The following UNC5D variants were observed in gnomAD, a reference collection of about 807,000 sequenced individuals.
UNC5D encodes netrin receptor UNC5D.
UNC5D carries 39 observed loss-of-function variants against 105.4 expected under a neutral mutation model. That is an observed-to-expected ratio of 0.37 (90% CI 0.29 to 0.48). The LOEUF (loss-of-function observed/expected upper bound fraction) is 0.48, where lower values mean the gene tolerates loss of function less well. UNC5D is among the 20% of genes least tolerant of loss of function. The pLI is 0.98. For missense variants in UNC5D, 991 were observed against 1,202.4 expected, an observed-to-expected ratio of 0.82 and a Z score of 2.60; for synonymous variants, 452 against 450.4, an observed-to-expected ratio of 1.00 and a Z score of -0.04.
chr8:35,486,759 CA>C (rs1439209436), intron 1 of UNC5D, among the ~76,000 whole-genome samples: 1 of 152,156 alleles, frequency 6.6e-6, no homozygotes, highest in Non-Finnish European at 1.5e-5. Flanking sequence ...AAAAGTGTCA[CA>C]CATTTCTATT....
intron 1 of UNC5D, among the ~76,000 whole-genome samples, chr8:35,305,784 C>CTTTCTTTCTTTCTCTCT (rs1184271506): frequency 6.7e-6 from 1 of 148,866 alleles, no homozygotes; most frequent in Non-Finnish European, 1.5e-5. Flanking sequence ...CTCTCTGCCT[C>CTTTCTTTCTTTCTCTCT]TTTCTTTCTT....
At chr8:35,422,400 TTGAC>T (rs1211607482) in intron 1 of UNC5D, among the ~76,000 whole-genome samples, 1 of 152,204 alleles carries the variant, frequency 6.6e-6, no homozygotes, top group Non-Finnish European at 1.5e-5. Context: ...GAGAGAGAGT[TTGAC>T]TGTTCTCTAA....
At chr8:35,770,453 TA>T (rs1198657681) in intron 15 of UNC5D, among the ~76,000 whole-genome samples, 1 of 152,112 alleles carries the variant, frequency 6.6e-6, no homozygotes, top group Non-Finnish European at 1.5e-5. Flanking sequence ...CCTTCACACT[TA>T]AAAGTTATTT....
intron 1 of UNC5D, among the ~76,000 whole-genome samples, chr8:35,390,393 C>T (rs985202617): frequency 6.6e-6 from 1 of 151,952 alleles, no homozygotes; most frequent in South Asian, 2.1e-4. Context: ...AGTTGTCATC[C>T]TGATTATTGT....
At chr8:35,739,759 C>G (rs954576566) in intron 11 of UNC5D, among the ~76,000 whole-genome samples, 2 of 152,120 alleles carry the variant, frequency 1.3e-5, no homozygotes, top group South Asian at 4.1e-4. Context: ...TAGAAATAAC[C>G]TGTCCTATTA....
chr8:35,267,759 C>G (rs1028970586), intron 1 of UNC5D, among the ~76,000 whole-genome samples: 2 of 152,182 alleles, frequency 1.3e-5, no homozygotes, highest in South Asian at 2.1e-4. Flanking sequence ...TTTTTTGAAC[C>G]GCATAGATGT....
chr8:35,239,664 CCTT>C (rs1355620329), intron 1 of UNC5D, among the ~76,000 whole-genome samples: 1 of 152,092 alleles, frequency 6.6e-6, no homozygotes, highest in Non-Finnish European at 1.5e-5. Flanking sequence ...GATGTGCCCT[CCTT>C]CTTGATTACA....
At chr8:35,502,146 T>A (rs1019068322) in intron 1 of UNC5D, among the ~76,000 whole-genome samples, 1 of 152,156 alleles carries the variant, frequency 6.6e-6, no homozygotes, top group Non-Finnish European at 1.5e-5. Flanking sequence ...TATAAACATG[T>A]TTTATGGGAA....
Position 35,683,534 on chromosome 8 carries a change from T to G in UNC5D, c.571-13T>G. 6.4e-7 allele frequency: 1 copy of G among 1,555,484 alleles called. No individual in the cohort carries two copies. Among genetic ancestry groups the G allele is most frequent in the Non-Finnish European group, 8.6e-7 (1 of 1,160,996 alleles). On this transcript the variant is annotated splice_polypyrimidine_tract_variant and intron_variant, in intron 4 of 16. Transcript: ENST00000404895. ...TTTTTTAGTGACTTGTAAACATTCCTTTCTTCCTGTAGGTGGAATGGCTGA... is the reference window on the plus strand; with the variant it reads ...TTTTTTAGTGACTTGTAAACATTCCGTTCTTCCTGTAGGTGGAATGGCTGA...
At chr8:35,748,475 A>G in intron 11 of UNC5D, 52 bp from the exon 12 acceptor site, 1 of 1,541,530 alleles carries the variant, frequency 6.5e-7, no homozygotes, top group Non-Finnish European at 8.7e-7. Flanking sequence ...TCATTCAAAT[A>G]TGGCCCCTCC....
intron 9 of UNC5D, among the ~76,000 whole-genome samples, chr8:35,723,377 T>C (rs73584872): frequency 0.028 from 4,340 of 152,290 alleles, 221 homozygotes; most frequent in African/African-American, 0.098. Context: ...CATTTGGACA[T>C]ATAGTTTAGT....
At chr8:35,340,878 G>T (rs966869413) in intron 1 of UNC5D, among the ~76,000 whole-genome samples, 2 of 152,114 alleles carry the variant, frequency 1.3e-5, no homozygotes, top group African/African-American at 4.8e-5. Flanking sequence ...CTATTCTTCT[G>T]ACATTCACTT....
intron 1 of UNC5D, among the ~76,000 whole-genome samples, chr8:35,446,630 G>A (rs564090336): frequency 2.0e-3 from 311 of 152,104 alleles, no homozygotes; most frequent in Non-Finnish European, 3.5e-3. Flanking sequence ...CCAAATCTCA[G>A]AAATTCCCTG....
At chr8:35,442,152 T>C (rs1008809468) in intron 1 of UNC5D, among the ~76,000 whole-genome samples, 10 of 151,940 alleles carry the variant, frequency 6.6e-5, no homozygotes, top group Non-Finnish European at 1.5e-5. Context: ...TTAGATTTTT[T>C]TAATTGGTGG....
chr8:35,427,281 A>G (rs1806315765), intron 1 of UNC5D, among the ~76,000 whole-genome samples: 1 of 152,130 alleles, frequency 6.6e-6, no homozygotes, highest in African/African-American at 2.4e-5. Flanking sequence ...CTTCTACTGA[A>G]TGTTCACATG....
intron 1 of UNC5D, among the ~76,000 whole-genome samples, chr8:35,486,559 T>A (rs1314505588): frequency 6.6e-6 from 1 of 152,200 alleles, no homozygotes; most frequent in Non-Finnish European, 1.5e-5. Flanking sequence ...TTAACTAGGT[T>A]TTATTTTCAT....
At chr8:35,784,205 G>A (rs903720285) in intron 16 of UNC5D, among the ~76,000 whole-genome samples, 2 of 152,106 alleles carry the variant, frequency 1.3e-5, no homozygotes, top group African/African-American at 4.8e-5. Context: ...TGGAACTCAG[G>A]TGTATAGAAA....
intron 4 of UNC5D, among the ~76,000 whole-genome samples, chr8:35,599,484 C>T (rs1374839372): frequency 1.3e-5 from 2 of 152,226 alleles, no homozygotes; most frequent in African/African-American, 4.8e-5. Flanking sequence ...AAAATATATA[C>T]AATTTGTTAG....
Position 35,657,860 on chromosome 8 carries a change from T to C in UNC5D, c.571-25687T>C, listed in dbSNP as rs145581647. On this transcript the variant is annotated intron_variant, in intron 4 of 16. Transcript: ENST00000404895. ...ATTTGACATCTAGAGAGGGGAACTT[T>C]TAGGTGAAAGAATTATTGGACTAAC... Among the ~76,000 whole-genome samples the C allele has an allele frequency of 5.1e-4, 77 of 152,264 alleles. 2 individuals are homozygous for C. The East Asian group carries it at 0.014, about 28-fold the overall frequency.
Sources: gnomAD v4.1 joint callset for allele counts (sites outside exome capture counted in the v4.1 genomes callset) on GRCh38, gnomAD v4.1.1 for gene constraint, MANE v1.5 for transcripts, NCBI Gene and HGNC (gene_info 2026-07-23, HGNC 2026-07-21) for gene names.